The following AFG2A variants were observed in gnomAD, a reference collection of about 807,000 sequenced individuals.
AFG2A encodes ATPase family gene 2 protein homolog A.
the AFG2A span, among the ~76,000 whole-genome samples, chr4:123,032,427 C>G: frequency 6.6e-6 from 1 of 152,074 alleles, no homozygotes; most frequent in Non-Finnish European, 1.5e-5. Context: ...AAGTCTCACT[C>G]TGTCGCCCAG....
chr4:122,975,644 C>G, the AFG2A span, among the ~76,000 whole-genome samples: 1 of 152,218 alleles, frequency 6.6e-6, no homozygotes, highest in African/African-American at 2.4e-5. Context: ...TATAGGCTTG[C>G]ATCACAGTAG....
the AFG2A span, among the ~76,000 whole-genome samples, chr4:123,015,691 G>C: frequency 6.6e-6 from 1 of 151,492 alleles, no homozygotes; most frequent in Non-Finnish European, 1.5e-5. Context: ...TTATCAATGA[G>C]CTGTTGGGTA....
At chr4:123,069,273 A>C in the AFG2A span, among the ~76,000 whole-genome samples, 1 of 152,210 alleles carries the variant, frequency 6.6e-6, no homozygotes, top group Non-Finnish European at 1.5e-5. Flanking sequence ...TACTCTCTGC[A>C]CAAAAGGCCA....
At chr4:122,996,991 G>A in the AFG2A span, among the ~76,000 whole-genome samples, 176 of 152,150 alleles carry the variant, frequency 1.2e-3, no homozygotes, top group African/African-American at 4.1e-3. Flanking sequence ...CCACATTGAG[G>A]GCTGATCTTT....
the AFG2A span, among the ~76,000 whole-genome samples, chr4:123,092,051 C>T: frequency 6.6e-6 from 1 of 152,202 alleles, no homozygotes; most frequent in African/African-American, 2.4e-5. Flanking sequence ...TGGTAAAATT[C>T]AGGAAAGCTT....
the AFG2A span, among the ~76,000 whole-genome samples, chr4:123,189,813 T>TTTTC: frequency 8.0e-3 from 1,034 of 129,780 alleles, 16 homozygotes; most frequent in Non-Finnish European, 0.012. Flanking sequence ...CATTTGCTTT[T>TTTTC]TTTTTTTTTT....
the AFG2A span, among the ~76,000 whole-genome samples, chr4:123,263,114 C>T: frequency 6.6e-6 from 1 of 152,198 alleles, no homozygotes; most frequent in Non-Finnish European, 1.5e-5. Flanking sequence ...TTTCTCCTTT[C>T]AGCAATGGAA....
chr4:123,069,450 C>A, the AFG2A span, among the ~76,000 whole-genome samples: 6 of 152,182 alleles, frequency 3.9e-5, no homozygotes, highest in East Asian at 1.2e-3. Context: ...TCCTGTGGCA[C>A]CCTCTTCCCA....
chr4:123,007,330 T>G, the AFG2A span, among the ~76,000 whole-genome samples: 21 of 152,012 alleles, frequency 1.4e-4, no homozygotes, highest in African/African-American at 4.8e-4. Flanking sequence ...CCTGGCCCTT[T>G]GTGAGCTTTG....
chr4:123,151,143 A>T, the AFG2A span, among the ~76,000 whole-genome samples: 3 of 152,242 alleles, frequency 2.0e-5, no homozygotes, highest in South Asian at 6.2e-4. Context: ...AGACTTAAAC[A>T]TAAGACCTAA....
the AFG2A span, among the ~76,000 whole-genome samples, chr4:123,276,941 T>C: frequency 1.3e-5 from 2 of 152,206 alleles, no homozygotes; most frequent in African/African-American, 4.8e-5. Flanking sequence ...TTCAGTTTGC[T>C]TAGGATTATG....
chr4:123,175,226 G>A, the AFG2A span, among the ~76,000 whole-genome samples: 1 of 152,036 alleles, frequency 6.6e-6, no homozygotes, highest in Non-Finnish European at 1.5e-5. Flanking sequence ...ACAGAATAGT[G>A]ACAGATTGGA....
the AFG2A span, among the ~76,000 whole-genome samples, chr4:123,293,524 G>A: frequency 1.3e-5 from 2 of 152,220 alleles, no homozygotes; most frequent in East Asian, 3.9e-4. Context: ...ACCCTGTGGG[G>A]GCTGCCACAA....
At chr4:123,195,791 A>T in the AFG2A span, among the ~76,000 whole-genome samples, 80,386 of 152,032 alleles carry the variant, frequency 0.53, 24,661 homozygotes, top group Non-Finnish European at 0.67. Context: ...ATTGGTGGTG[A>T]CAGCCAGTCT....
the AFG2A span, among the ~76,000 whole-genome samples, chr4:123,299,496 T>A: frequency 6.6e-6 from 1 of 152,198 alleles, no homozygotes; most frequent in Admixed American, 6.5e-5. Context: ...TAGGGTGCTT[T>A]CATGTGTATG....
the AFG2A span, among the ~76,000 whole-genome samples, chr4:122,924,006 A>G: frequency 2.4e-3 from 363 of 152,374 alleles, 1 homozygote; most frequent in Non-Finnish European, 3.5e-3. Context: ...TTATAAATTG[A>G]ATTAAAAATT....
the AFG2A span, chr4:122,928,986 A>C: frequency 6.4e-7 from 1 of 1,571,274 alleles, no homozygotes; most frequent in South Asian, 1.2e-5. Context: ...TTATAAATTG[A>C]TGGTATTCTA....
the AFG2A span, among the ~76,000 whole-genome samples, chr4:123,282,223 A>G: frequency 6.6e-6 from 1 of 152,134 alleles, no homozygotes; most frequent in South Asian, 2.1e-4. Context: ...ACAGGGTGGG[A>G]GGAAATGGAA....
the AFG2A span, among the ~76,000 whole-genome samples, chr4:123,024,902 G>A: frequency 1.3e-5 from 2 of 152,156 alleles, no homozygotes; most frequent in African/African-American, 2.4e-5. Context: ...CAGGCTCCTG[G>A]TCCTTCTCCC....
Sources: allele counts gnomAD v4.1 joint callset (sites outside exome capture counted in the v4.1 genomes callset), GRCh38; gene constraint gnomAD v4.1.1; transcripts MANE v1.5; gene names NCBI Gene and HGNC (gene_info 2026-07-23, HGNC 2026-07-21).